COMMD1: variants seen among roughly 807,000 people sequenced by gnomAD.
COMMD1 encodes copper metabolism domain containing 1, also known as COMM domain-containing protein 1.
COMMD1 carries 10 observed loss-of-function variants against 17.2 expected under a neutral mutation model. The ratio of observed to expected loss-of-function variants is 0.58; its 90% CI spans 0.36 to 0.99. The LOEUF is 0.99. COMMD1 is among the 50% of genes least tolerant of loss of function. The probability of loss-of-function intolerance (pLI) is 0.01; values close to 1 mark genes in which losing one functional copy is unlikely to be tolerated. For missense variants in COMMD1, 270 were observed against 231.8 expected, an observed-to-expected ratio of 1.17 and a Z score of -1.07; for synonymous variants, 97 against 91.6, an observed-to-expected ratio of 1.06 and a Z score of -0.34.
chr2:62,054,768 TTA>T (rs575484546), intron 2 of COMMD1, among the ~76,000 whole-genome samples: 137 of 152,314 alleles, frequency 9.0e-4, no homozygotes, highest in Non-Finnish European at 1.6e-3. Context: ...ACAATTTACC[TTA>T]TTTGGGTGAT....
intron 1 of COMMD1, among the ~76,000 whole-genome samples, chr2:61,988,651 C>T (rs1198322007): frequency 2.0e-5 from 3 of 152,148 alleles, no homozygotes; most frequent in African/African-American, 7.2e-5. Context: ...CAGGCACTCC[C>T]TTAGCTACCC....
chr2:61,998,371 T>G (rs1668827291), intron 1 of COMMD1, among the ~76,000 whole-genome samples: 1 of 151,928 alleles, frequency 6.6e-6, no homozygotes, highest in South Asian at 2.1e-4. Flanking sequence ...GCATTTCTCC[T>G]GCCTCAGCCT....
At chr2:62,096,689 A>G (rs140099906) in intron 2 of COMMD1, among the ~76,000 whole-genome samples, 1,698 of 152,356 alleles carry the variant, frequency 0.011, 15 homozygotes, top group Non-Finnish European at 0.015. Flanking sequence ...GTAATAGCAG[A>G]GATTCTCTCA....
chr2:61,920,334 T>C (rs1186944276), intron 1 of COMMD1, among the ~76,000 whole-genome samples: 1 of 152,102 alleles, frequency 6.6e-6, no homozygotes, highest in Admixed American at 6.6e-5. Context: ...AAGTACTCTT[T>C]CCCAGGAGAA....
At chr2:62,028,147 C>T (rs1669817043) in intron 2 of COMMD1, among the ~76,000 whole-genome samples, 4 of 152,170 alleles carry the variant, frequency 2.6e-5, no homozygotes, top group Admixed American at 2.0e-4. Context: ...ATGGAGATTT[C>T]TGCTACCCAG....
At chr2:61,909,517 G>T (rs530050104) in intron 1 of COMMD1, among the ~76,000 whole-genome samples, 1 of 152,300 alleles carries the variant, frequency 6.6e-6, no homozygotes, top group Non-Finnish European at 1.5e-5. Flanking sequence ...AAAAAAGCAG[G>T]TTCAGGAAAT....
At chr2:61,949,408 A>G (rs1485398503) in intron 1 of COMMD1, among the ~76,000 whole-genome samples, 1 of 152,196 alleles carries the variant, frequency 6.6e-6, no homozygotes, top group Non-Finnish European at 1.5e-5. Flanking sequence ...GTTCCTTCCA[A>G]ACAAAGAAGC....
chr2:61,942,228 C>T (rs1235752262), intron 1 of COMMD1, among the ~76,000 whole-genome samples: 4 of 151,828 alleles, frequency 2.6e-5, no homozygotes, highest in East Asian at 1.9e-4. Context: ...CTCAGCCTCC[C>T]GAGTAGCTGG....
At chr2:61,918,933 G>T (rs1373762207) in intron 1 of COMMD1, among the ~76,000 whole-genome samples, 1 of 152,114 alleles carries the variant, frequency 6.6e-6, no homozygotes, top group East Asian at 1.9e-4. Flanking sequence ...AAAAATTTAT[G>T]TTTCAAGTAA....
intron 1 of COMMD1, among the ~76,000 whole-genome samples, chr2:61,999,614 A>T (rs1220961227): frequency 6.6e-6 from 1 of 152,098 alleles, no homozygotes; most frequent in Non-Finnish European, 1.5e-5. Flanking sequence ...ATTATTTTAG[A>T]GACAGGGTCT....
At chr2:61,906,769 A>G (rs1009323257) in intron 1 of COMMD1, among the ~76,000 whole-genome samples, 5 of 152,214 alleles carry the variant, frequency 3.3e-5, no homozygotes, top group Admixed American at 2.6e-4. Flanking sequence ...TATATAGTGG[A>G]CACCCATGGT....
intron 2 of COMMD1, among the ~76,000 whole-genome samples, chr2:62,123,638 A>T (rs1672812606): frequency 6.6e-6 from 1 of 151,858 alleles, no homozygotes; most frequent in African/African-American, 2.4e-5. Context: ...TTACCTATGG[A>T]TCTGTGTGTG....
chr2:61,903,280 C>T (rs1032230899), upstream of COMMD1, among the ~76,000 whole-genome samples: 4 of 151,756 alleles, frequency 2.6e-5, no homozygotes, highest in African/African-American at 9.7e-5. Context: ...CCCTTCTCTA[C>T]AAAAAATACA....
chr2:61,981,948 C>G (rs1041743830), intron 1 of COMMD1, among the ~76,000 whole-genome samples: 8 of 152,086 alleles, frequency 5.3e-5, no homozygotes, highest in Non-Finnish European at 1.0e-4. Context: ...TCTTTTTGCT[C>G]AGGATAGCTT....
At chr2:62,075,219 A>G (rs1204098848) in intron 2 of COMMD1, among the ~76,000 whole-genome samples, 1 of 152,052 alleles carries the variant, frequency 6.6e-6, no homozygotes, top group African/African-American at 2.4e-5. Context: ...AATTTCAATT[A>G]CATGTCAGTG....
rs149812615 is a variant in COMMD1 at position 62,130,974 on chromosome 2, T to C, written c.463-4857T>C. On this transcript the variant is annotated intron_variant, in intron 2 of 2. Coordinates refer to ENST00000311832, the MANE Select transcript of COMMD1 (RefSeq NM_152516.4). ...AAAGATTTAGGCTTGACCAGTAAGT[T>C]TCCTGAGGAGTGTTGAGTGGTTACC... Among the ~76,000 whole-genome samples, 318 of 152,316 alleles carry C rather than the reference T, an allele frequency of 2.1e-3. 1 individual carries two copies. Among genetic ancestry groups the C allele is most frequent in the African/African-American group, 7.3e-3 (302 of 41,570 alleles).
At chr2:61,988,991 T>C (rs1672175906) in intron 1 of COMMD1, among the ~76,000 whole-genome samples, 1 of 152,186 alleles carries the variant, frequency 6.6e-6, no homozygotes, top group Non-Finnish European at 1.5e-5. Context: ...AGATTCTCTC[T>C]ACTTGGCTGC....
At chr2:61,925,898 T>A (rs891565809) in intron 1 of COMMD1, among the ~76,000 whole-genome samples, 13 of 152,234 alleles carry the variant, frequency 8.5e-5, no homozygotes, top group African/African-American at 2.2e-4. Context: ...GACAATATAT[T>A]ACAAGAGTCC....
Position 62,135,993 on chromosome 2 carries a change from C to A in COMMD1, c.*52C>A. The A allele has an allele frequency of 1.1e-6, 1 of 913,954 alleles. No homozygotes were observed. The highest frequency in any genetic ancestry group is 1.3e-5 in the South Asian group (1 of 76,992). 56.6% of individuals were successfully genotyped at this position (913,954 alleles called of 1,614,324 possible). The stretch of plus-strand genomic sequence containing the variant: ...GTTGAAACCAAGGTGTCCATGATCC[C>A]TCCCCACTGACCTTTTCTAAGAAAA... On this transcript the variant is annotated 3_prime_UTR_variant, in exon 3 of 3. Coordinates refer to ENST00000311832, the MANE Select transcript of COMMD1 (RefSeq NM_152516.4).
Sources: gnomAD v4.1 joint callset for allele counts (sites outside exome capture counted in the v4.1 genomes callset) on GRCh38, gnomAD v4.1.1 for gene constraint, MANE v1.5 for transcripts, NCBI Gene and HGNC (gene_info 2026-07-23, HGNC 2026-07-21) for gene names.